LRP1-AS: variants seen among roughly 807,000 people sequenced by gnomAD.
The protein encoded by LRP1-AS is LRP1 antisense RNA.
At position 57,146,940 on chromosome 12, in the gene LRP1-AS, G is replaced by A. The variant is rs561485270; in HGVS notation, n.181+499C>T. Among the ~76,000 whole-genome samples, 7 of 151,968 alleles carry A rather than the reference G, an allele frequency of 4.6e-5. No homozygotes were observed. The East Asian group carries it at 1.4e-3, about 30-fold the overall frequency. On this transcript the variant is annotated intron_variant and non_coding_transcript_variant, in intron 1 of 1. Transcript: ENST00000555461. The stretch of plus-strand genomic sequence containing the variant: ...AGACAGCTTGTCAGTTTCCTCCCCA[G>A]CCCTGCATCTTGCCATACAGTGGGC...
chr12:57,147,130 G>A (rs2035426603), intron 1 of LRP1-AS, among the ~76,000 whole-genome samples: 1 of 151,798 alleles, frequency 6.6e-6, no homozygotes, highest in African/African-American at 2.4e-5. Context: ...CCTCTCAGGG[G>A]CAGAGTCCAG....
At chr12:57,144,762 G>C (rs2035365025) in exon 2 of LRP1-AS, 2 of 590,190 alleles carry the variant, frequency 3.4e-6, no homozygotes, top group Admixed American at 2.9e-5. Context: ...GCGTGGATGA[G>C]TGATATGTAC....
chr12:57,145,576 T>G (rs2035389112), intron 1 of LRP1-AS: 1 of 1,509,670 alleles, frequency 6.6e-7, no homozygotes, highest in Non-Finnish European at 9.0e-7. Context: ...AGGCCGGGAG[T>G]TACACAGGAT....
chr12:57,146,292 T>C (rs2035405296), intron 1 of LRP1-AS, among the ~76,000 whole-genome samples: 1 of 152,202 alleles, frequency 6.6e-6, no homozygotes, highest in African/African-American at 2.4e-5. Flanking sequence ...GAATCTGGCC[T>C]GTGGTTGATC....
Position 57,145,202 on chromosome 12 carries a change from G to A in LRP1-AS, n.182-119C>T, listed in dbSNP as rs374350334. ...GGTGGTCCTAGAGCCCTGGCTGCAC[G>A]GACTCTTCTCTTCCCCATTCCCAGA... On this transcript the variant is annotated intron_variant and non_coding_transcript_variant, in intron 1 of 1. Transcript: ENST00000555461. 178 of 1,613,788 alleles carry A rather than the reference G, an allele frequency of 1.1e-4. No homozygotes were observed. The African/African-American group carries it at 1.9e-3, about 17-fold the overall frequency.
intron 1 of LRP1-AS, among the ~76,000 whole-genome samples, chr12:57,146,005 C>T (rs2035399213): frequency 6.6e-6 from 1 of 152,144 alleles, no homozygotes; most frequent in South Asian, 2.1e-4. Flanking sequence ...TTCTCTGTGG[C>T]TTTGTGGCAG....
intron 1 of LRP1-AS, among the ~76,000 whole-genome samples, chr12:57,146,091 C>A (rs1027079621): frequency 6.6e-6 from 1 of 152,120 alleles, no homozygotes; most frequent in African/African-American, 2.4e-5. Context: ...AGGCTTCTCC[C>A]TAGGCTACAC....
At chr12:57,144,966 C>T (rs752014192) in exon 2 of LRP1-AS, 65 of 1,613,188 alleles carry the variant, frequency 4.0e-5, no homozygotes, top group East Asian at 1.3e-4. Flanking sequence ...GCCCTTTCCT[C>T]GGCAGATTTT....
chr12:57,146,760 C>G (rs1000471952), intron 1 of LRP1-AS: 2 of 152,580 alleles, frequency 1.3e-5, no homozygotes, highest in Non-Finnish European at 2.9e-5. Flanking sequence ...GGGTGCTGAG[C>G]TGGGGGCTGT....
intron 1 of LRP1-AS, among the ~76,000 whole-genome samples, chr12:57,147,120 C>T (rs2136665636): frequency 6.6e-6 from 1 of 152,042 alleles, no homozygotes; most frequent in African/African-American, 2.4e-5. Context: ...ACTCACTGGG[C>T]CTCTCAGGGG....
At chr12:57,146,998 G>T (rs1163052907) in intron 1 of LRP1-AS, among the ~76,000 whole-genome samples, 1 of 151,952 alleles carries the variant, frequency 6.6e-6, no homozygotes, top group Non-Finnish European at 1.5e-5. Context: ...TGTCCTGGAG[G>T]TAACCTTCTC....
In LRP1-AS at chr12:57,145,284, C is replaced by T. The variant is rs1469864810; in HGVS notation, n.182-201G>A. ...GCCAACTCCCAGAACATCTTGGCCACGTACCTGAGTGGGGCCCAGGTGTCT... is the reference window on the plus strand; with the variant it reads ...GCCAACTCCCAGAACATCTTGGCCATGTACCTGAGTGGGGCCCAGGTGTCT... On this transcript the variant is annotated intron_variant and non_coding_transcript_variant, in intron 1 of 1. Transcript: ENST00000555461. 6.2e-6 allele frequency: 10 copies of T among 1,614,178 alleles called. No individual in the cohort carries two copies. Among genetic ancestry groups the T allele is most frequent in the African/African-American group, 1.3e-5 (1 of 75,052 alleles).
intron 1 of LRP1-AS, chr12:57,145,214 T>TC: frequency 6.2e-7 from 1 of 1,613,976 alleles, no homozygotes; most frequent in South Asian, 1.1e-5. Context: ...ACTCTTCTCT[T>TC]CCCCATTCCC....
At chr12:57,145,238 C>G in intron 1 of LRP1-AS, 3 of 1,614,130 alleles carry the variant, frequency 1.9e-6, no homozygotes, top group Non-Finnish European at 2.5e-6. Flanking sequence ...GCCAGTAGAC[C>G]GGCCCCCTGT....
At chr12:57,144,705 G>A in exon 2 of LRP1-AS, 1 of 490,368 alleles carries the variant, frequency 2.0e-6, no homozygotes, top group Non-Finnish European at 3.7e-6. Flanking sequence ...GTTCACTGAT[G>A]CACCCCTGGC....
At chr12:57,147,249 C>T (rs573640747) in intron 1 of LRP1-AS, among the ~76,000 whole-genome samples, 26 of 152,176 alleles carry the variant, frequency 1.7e-4, no homozygotes, top group Admixed American at 7.2e-4. Flanking sequence ...ACGTCCCTGC[C>T]GCCTGAATGT....
At chr12:57,147,530 G>A (rs1314939331) in exon 1 of LRP1-AS, 1 of 152,224 alleles carries the variant, frequency 6.6e-6, no homozygotes, top group Non-Finnish European at 1.5e-5. Flanking sequence ...TGCCCTCCAG[G>A]GCAGCCCTCC....
At chr12:57,145,611 A>G in intron 1 of LRP1-AS, 1 of 1,280,976 alleles carries the variant, frequency 7.8e-7, no homozygotes, top group Non-Finnish European at 1.1e-6. Flanking sequence ...CAGGAGAAGC[A>G]GGAGGCTGGA....
chr12:57,145,024 A>C (rs1449008380), exon 2 of LRP1-AS: 3 of 1,614,162 alleles, frequency 1.9e-6, no homozygotes, highest in Non-Finnish European at 2.5e-6. Context: ...GCACCAACAC[A>C]GACGGCTCCT....
Sources: allele counts gnomAD v4.1 joint callset (sites outside exome capture counted in the v4.1 genomes callset), GRCh38; gene constraint gnomAD v4.1.1; transcripts MANE v1.5; gene names NCBI Gene and HGNC (gene_info 2026-07-23, HGNC 2026-07-21).